Variants in MAPK10 observed in about 807,000 individuals in gnomAD.
MAPK10 encodes mitogen-activated protein kinase 10.
A neutral mutation model predicts 59.3 loss-of-function variants in MAPK10; 25 were observed. The observed-to-expected ratio is 0.42, with a 90% confidence interval of 0.31 to 0.59. The LOEUF is 0.59. Among genes scored for constraint, MAPK10 ranks in the 20% least tolerant of loss-of-function variants. The probability of loss-of-function intolerance (pLI) is 0.15; values close to 1 mark genes in which losing one functional copy is unlikely to be tolerated. For missense variants in MAPK10, 351 were observed against 568.9 expected, an observed-to-expected ratio of 0.62 and a Z score of 3.90; for synonymous variants, 190 against 200.5, an observed-to-expected ratio of 0.95 and a Z score of 0.44.
At chr4:86,108,887 G>T (rs537015934) in intron 4 of MAPK10, among the ~76,000 whole-genome samples, 1 of 152,202 alleles carries the variant, frequency 6.6e-6, no homozygotes, top group East Asian at 1.9e-4. Flanking sequence ...TTAGCTTTTA[G>T]CATTTTTCCC....
chr4:86,147,229 G>C (rs542131395), intron 4 of MAPK10, among the ~76,000 whole-genome samples: 282 of 152,226 alleles, frequency 1.9e-3, no homozygotes, highest in Non-Finnish European at 2.7e-3. Flanking sequence ...TGACACCACA[G>C]GCACATGCCA....
Position 86,101,966 on chromosome 4 carries a change from C to T in MAPK10, c.492G>A (p.Glu164=), listed in dbSNP as rs181618565. 1.9e-6 allele frequency: 3 copies of T among 1,613,984 alleles called. No homozygotes were observed. The highest frequency in any genetic ancestry group is 2.7e-5 in the African/African-American group (2 of 75,058). The change falls in exon 7 of 14, where the codon GAG becomes GAA. Residue 164 remains glutamate, a synonymous_variant. Transcript: ENST00000641462. ...TTTGGTACAGCAGGTAAGACATTCG[C>T]TCATGGTCTAATTCCATCTGAATCA... The part of the protein sequence containing the change: ...CQVIQMELDH[E]RMSYLLYQML...
chr4:86,528,610 A>G (rs1380718330), intron 1 of MAPK10, among the ~76,000 whole-genome samples: 1 of 152,164 alleles, frequency 6.6e-6, no homozygotes, highest in Non-Finnish European at 1.5e-5. Context: ...AGGAGTGATC[A>G]TAGCACACTG....
chr4:86,060,922 T>C (rs1369903355), intron 11 of MAPK10, among the ~76,000 whole-genome samples: 1 of 152,178 alleles, frequency 6.6e-6, no homozygotes, highest in Non-Finnish European at 1.5e-5. Context: ...ACCAGACGCA[T>C]ATATCTTTTT....
At chr4:86,031,486 C>G in intron 11 of MAPK10, 55 bp from the exon 12 acceptor site, 1 of 1,227,492 alleles carries the variant, frequency 8.1e-7, no homozygotes. Context: ...CATAACTAAA[C>G]TCTTACAATG....
chr4:86,099,969 C>T (rs1473453115), intron 8 of MAPK10: 1 of 152,146 alleles, frequency 6.6e-6, no homozygotes, highest in African/African-American at 2.4e-5. Context: ...GACTTTTTAA[C>T]TTCCTCTGTA....
intron 1 of MAPK10, among the ~76,000 whole-genome samples, chr4:86,516,194 G>A (rs1026540835): frequency 3.3e-5 from 5 of 152,088 alleles, no homozygotes; most frequent in African/African-American, 4.8e-5. Context: ...TTGGCTGCAA[G>A]TATTTGGCTT....
intron 3 of MAPK10, among the ~76,000 whole-genome samples, chr4:86,169,841 G>A (rs1279643266): frequency 6.6e-6 from 1 of 152,078 alleles, no homozygotes; most frequent in Non-Finnish European, 1.5e-5. Context: ...ACAAAGGGAA[G>A]CCCATCAGAC....
chr4:86,462,804 T>C lies in MAPK10; in HGVS notation c.-262-108160A>G, dbSNP rs2149062086. Among the ~76,000 whole-genome samples the C allele has an allele frequency of 1.3e-5, 2 of 152,174 alleles. 1 individual carries two copies. Among genetic ancestry groups the C allele is most frequent in the African/African-American group, 4.8e-5 (2 of 41,502 alleles). On this transcript the variant is annotated intron_variant, in intron 1 of 4. Coordinates refer to the MAPK10 transcript ENST00000502302. Reference sequence around the variant, plus strand: ...TTATATAGCCCTCAAAGTCAACATATGATGCATGAAATGGAATATGTCCCT... The same window carrying C: ...TTATATAGCCCTCAAAGTCAACATACGATGCATGAAATGGAATATGTCCCT...
intron 3 of MAPK10, among the ~76,000 whole-genome samples, chr4:86,186,406 A>G (rs1014779238): frequency 6.6e-6 from 1 of 152,172 alleles, no homozygotes; most frequent in Admixed American, 6.6e-5. Flanking sequence ...ATTGCAGGCA[A>G]CACATTTTAC....
At chr4:86,498,233 C>A (rs1755034528) in intron 1 of MAPK10, among the ~76,000 whole-genome samples, 1 of 152,228 alleles carries the variant, frequency 6.6e-6, no homozygotes. Flanking sequence ...AAGGGACTAA[C>A]CCTGCAGAGC....
chr4:86,083,134 C>T (rs1489627781), intron 9 of MAPK10, among the ~76,000 whole-genome samples: 1 of 152,050 alleles, frequency 6.6e-6, no homozygotes, highest in Non-Finnish European at 1.5e-5. Flanking sequence ...GAAGACGTGT[C>T]TGGGGAGGCA....
At chr4:86,540,138 T>C (rs1329092275) in intron 1 of MAPK10, among the ~76,000 whole-genome samples, 1 of 152,206 alleles carries the variant, frequency 6.6e-6, no homozygotes, top group Non-Finnish European at 1.5e-5. Flanking sequence ...GAGAAATCCA[T>C]TGCATGCTTA....
intron 4 of MAPK10, among the ~76,000 whole-genome samples, chr4:86,135,772 A>T (rs925006917): frequency 6.6e-6 from 1 of 152,170 alleles, no homozygotes; most frequent in Non-Finnish European, 1.5e-5. Context: ...AAGGCAAAGA[A>T]GTTGAAAACT....
At chr4:86,172,679 C>G (rs1007205107) in intron 3 of MAPK10, among the ~76,000 whole-genome samples, 2 of 150,510 alleles carry the variant, frequency 1.3e-5, no homozygotes, top group Admixed American at 6.6e-5. Flanking sequence ...ACATATGTAA[C>G]TAACCTGCAC....
chr4:86,517,508 C>T (rs893516472), intron 1 of MAPK10, among the ~76,000 whole-genome samples: 4 of 152,192 alleles, frequency 2.6e-5, no homozygotes, highest in Non-Finnish European at 4.4e-5. Context: ...ATCTCCTGAC[C>T]TCGTGATCTG....
intron 2 of MAPK10, among the ~76,000 whole-genome samples, chr4:86,196,962 G>C (rs1345030890): frequency 6.6e-6 from 1 of 152,124 alleles, no homozygotes; most frequent in Non-Finnish European, 1.5e-5. Flanking sequence ...GGTTACTGTA[G>C]CCTTGTAGTA....
At chr4:86,236,170 T>C (rs1276473076) in intron 2 of MAPK10, among the ~76,000 whole-genome samples, 4 of 152,206 alleles carry the variant, frequency 2.6e-5, no homozygotes, top group Non-Finnish European at 5.9e-5. Flanking sequence ...ACCTCCCTCT[T>C]ATAATGACCC....
chr4:86,233,703 A>C (rs1453123566), intron 2 of MAPK10, among the ~76,000 whole-genome samples: 1 of 152,176 alleles, frequency 6.6e-6, no homozygotes, highest in African/African-American at 2.4e-5. Context: ...GACTGTGAGG[A>C]GGTGTTTCTC....
Sources: allele counts gnomAD v4.1 joint callset (sites outside exome capture counted in the v4.1 genomes callset), GRCh38; gene constraint gnomAD v4.1.1; transcripts MANE v1.5; gene names NCBI Gene and HGNC (gene_info 2026-07-23, HGNC 2026-07-21).